SLC9A9: variants seen among roughly 807,000 people sequenced by gnomAD.
SLC9A9 encodes sodium/hydrogen exchanger 9.
A neutral mutation model predicts 77.8 loss-of-function variants in SLC9A9; 62 were observed. The observed-to-expected ratio is 0.80, with a 90% CI of 0.65 to 0.98. The LOEUF is 0.98. Ranked by LOEUF, SLC9A9 falls within the 50% of genes least tolerant of loss-of-function variation. The pLI is 0.00. For missense variants in SLC9A9, 775 were observed against 774.9 expected, an observed-to-expected ratio of 1.00 and a Z score of 0.00; for synonymous variants, 320 against 283.5, an observed-to-expected ratio of 1.13 and a Z score of -1.29.
At chr3:143,655,931 C>A (rs1396079760) in intron 5 of SLC9A9, among the ~76,000 whole-genome samples, 1 of 152,180 alleles carries the variant, frequency 6.6e-6, no homozygotes, top group Non-Finnish European at 1.5e-5. Context: ...CTAAGTGAGG[C>A]TTTCTCTTAG....
intron 9 of SLC9A9, among the ~76,000 whole-genome samples, chr3:143,551,976 A>G (rs183349885): frequency 6.6e-6 from 1 of 152,268 alleles, no homozygotes; most frequent in Admixed American, 6.5e-5. Context: ...AAAAGCACCC[A>G]ATTAAAGACC....
At chr3:143,807,181 T>C (rs1300726129) in intron 2 of SLC9A9, among the ~76,000 whole-genome samples, 1 of 152,212 alleles carries the variant, frequency 6.6e-6, no homozygotes, top group Non-Finnish European at 1.5e-5. Flanking sequence ...CAGTGGCTCA[T>C]GCCTGTAATC....
At chr3:143,349,988 C>G (rs1177595020) in intron 14 of SLC9A9, among the ~76,000 whole-genome samples, 1 of 152,156 alleles carries the variant, frequency 6.6e-6, no homozygotes, top group Non-Finnish European at 1.5e-5. Flanking sequence ...AGAACTGGCT[C>G]AGTAGGTAAA....
intron 14 of SLC9A9, among the ~76,000 whole-genome samples, chr3:143,294,145 C>T (rs1001230110): frequency 1.3e-5 from 2 of 152,004 alleles, no homozygotes; most frequent in African/African-American, 4.8e-5. Flanking sequence ...AATCTAGGTG[C>T]TTTAATAATG....
At chr3:143,409,881 G>T (rs992311057) in intron 12 of SLC9A9, among the ~76,000 whole-genome samples, 1 of 152,058 alleles carries the variant, frequency 6.6e-6, no homozygotes, top group Admixed American at 6.5e-5. Context: ...TGGGCTGCAG[G>T]AACAGCAGGA....
intron 12 of SLC9A9, among the ~76,000 whole-genome samples, chr3:143,428,620 A>C (rs774810272): frequency 1.3e-5 from 2 of 152,208 alleles, no homozygotes; most frequent in Non-Finnish European, 2.9e-5. Context: ...AATGTCACAG[A>C]GACATCTGCA....
At chr3:143,516,278 TC>T (rs574419750) in intron 9 of SLC9A9, among the ~76,000 whole-genome samples, 3,077 of 152,272 alleles carry the variant, frequency 0.02, 97 homozygotes, top group African/African-American at 0.069. Flanking sequence ...ATTTTATTTG[TC>T]TTTTCAGTGA....
chr3:143,460,432 T>G (rs1415356079), intron 12 of SLC9A9, among the ~76,000 whole-genome samples: 2 of 151,974 alleles, frequency 1.3e-5, no homozygotes, highest in Admixed American at 6.6e-5. Context: ...ATCACTTTTT[T>G]TTTTCAAACG....
In SLC9A9 at chr3:143,467,173, C is replaced by T. The variant is rs761337323; in HGVS notation, c.1333G>A (p.Ala445Thr). The T allele has an allele frequency of 7.7e-5, 125 of 1,614,032 alleles. No individual in the cohort carries two copies. Among genetic ancestry groups the T allele is most frequent in the Non-Finnish European group, 9.4e-5 (111 of 1,180,010 alleles). Reference sequence around the variant, plus strand: ...GTGTTCCGAATAGCTAAGGCAAATGCGATCGCTCCTCGCAAACCTTGCAGG... The same window carrying T: ...GTGTTCCGAATAGCTAAGGCAAATGTGATCGCTCCTCGCAAACCTTGCAGG... ...MMFSGLRGAIAFALAIRNTES... is the reference protein window; with the variant it reads ...MMFSGLRGAITFALAIRNTES... Residue 445 changes from alanine (A) to threonine (T), a missense_variant, in exon 12 of 16, where the codon GCA (alanine) becomes ACA (threonine). Transcript: ENST00000316549.
intron 14 of SLC9A9, among the ~76,000 whole-genome samples, chr3:143,303,590 G>A (rs900664325): frequency 1.3e-5 from 2 of 152,190 alleles, no homozygotes; most frequent in African/African-American, 2.4e-5. Flanking sequence ...AAGACACAGT[G>A]AGACTTGCAT....
Position 143,266,133 on chromosome 3 carries a change from T to C in SLC9A9, c.*569A>G. 1.4e-6 allele frequency: 1 copy of C among 702,076 alleles called. No homozygotes were observed. Among genetic ancestry groups the C allele is most frequent in the Non-Finnish European group, 2.6e-6 (1 of 384,758 alleles). The allele number at this position is 702,076 out of a possible 1,614,324, so 43.5% of individuals were successfully genotyped here. On this transcript the variant is annotated 3_prime_UTR_variant, in exon 16 of 16. Transcript: ENST00000316549. Reference sequence around the variant, plus strand: ...AAGAACAATAGGTTCTTCAACTCAGTGTGGGCTCTGGGAAACCATCAGCAG... The same window carrying C: ...AAGAACAATAGGTTCTTCAACTCAGCGTGGGCTCTGGGAAACCATCAGCAG...
chr3:143,805,659 T>C (rs965768288), intron 2 of SLC9A9, among the ~76,000 whole-genome samples: 5 of 152,160 alleles, frequency 3.3e-5, no homozygotes, highest in Non-Finnish European at 5.9e-5. Context: ...ACTGATGACA[T>C]TACCTTGTGA....
intron 14 of SLC9A9, among the ~76,000 whole-genome samples, chr3:143,311,667 A>G (rs1254816207): frequency 6.6e-6 from 1 of 152,198 alleles, no homozygotes; most frequent in Admixed American, 6.5e-5. Context: ...AAATAACAAT[A>G]TTGTGAAAAC....
chr3:143,534,774 C>A (rs914666549), intron 9 of SLC9A9, among the ~76,000 whole-genome samples: 2 of 152,100 alleles, frequency 1.3e-5, no homozygotes, highest in East Asian at 3.8e-4. Flanking sequence ...TGCTGAATAG[C>A]GGGATCAAAA....
intron 1 of SLC9A9, among the ~76,000 whole-genome samples, chr3:143,843,734 T>C (rs1206378480): frequency 6.6e-6 from 1 of 152,194 alleles, no homozygotes; most frequent in Non-Finnish European, 1.5e-5. Flanking sequence ...TATAATGGAA[T>C]TCTTAATGCT....
At chr3:143,555,951 A>G (rs751956565) in intron 8 of SLC9A9, among the ~76,000 whole-genome samples, 2 of 152,250 alleles carry the variant, frequency 1.3e-5, no homozygotes, top group Non-Finnish European at 2.9e-5. Context: ...GTATTAGCAT[A>G]CACAATCATA....
intron 14 of SLC9A9, among the ~76,000 whole-genome samples, chr3:143,359,305 G>T (rs75677372): frequency 0.037 from 5,693 of 152,250 alleles, 184 homozygotes; most frequent in East Asian, 0.18. Context: ...CCCAATTTCT[G>T]TCTATGGAAG....
chr3:143,537,447 C>T (rs1194947225), intron 9 of SLC9A9, among the ~76,000 whole-genome samples: 2 of 152,086 alleles, frequency 1.3e-5, no homozygotes, highest in Admixed American at 6.5e-5. Flanking sequence ...TGCTCCCTCC[C>T]CACTGCTGCC....
intron 5 of SLC9A9, chr3:143,655,533 T>A (rs1379687258): frequency 4.1e-6 from 4 of 985,308 alleles, no homozygotes; most frequent in Non-Finnish European, 3.6e-6. Flanking sequence ...TTTTCATGCT[T>A]CACTTGTGGC....
Sources: allele counts gnomAD v4.1 joint callset (sites outside exome capture counted in the v4.1 genomes callset), GRCh38; gene constraint gnomAD v4.1.1; transcripts MANE v1.5; gene names NCBI Gene and HGNC (gene_info 2026-07-23, HGNC 2026-07-21).